Variants in LHX3 observed in about 807,000 individuals in gnomAD.
The protein encoded by LHX3 is LIM/homeobox protein Lhx3.
LHX3 carries 21 observed loss-of-function variants against 32.4 expected under a neutral mutation model. The ratio of observed to expected loss-of-function variants is 0.65; its 90% CI spans 0.46 to 0.93. The LOEUF (loss-of-function observed/expected upper bound fraction) is 0.93. LHX3 is among the 40% of genes least tolerant of loss of function. The pLI, the probability that LHX3 is intolerant of heterozygous loss-of-function variation, is 0.00. For missense variants in LHX3, 626 were observed against 560.0 expected (o/e 1.12, Z -1.19); for synonymous variants, 258 against 246.8 (o/e 1.05, Z -0.43).
At position 136,196,504 on chromosome 9, in the gene LHX3, G is replaced by C. The variant is rs1831493008; in HGVS notation, c.*821C>G. The C allele has an allele frequency of 1.3e-5, 2 of 152,702 alleles. No homozygotes were observed. Among genetic ancestry groups the C allele is most frequent in the Admixed American group, 6.5e-5 (1 of 15,296 alleles). The allele number at this position is 152,702 out of a possible 1,614,324, so 9.5% of individuals were successfully genotyped here. On this transcript the variant is annotated 3_prime_UTR_variant, in exon 6 of 6. Transcript: ENST00000371748. ...GAGGAGCCCCACCCTTCTCCAGCGG[G>C]GAGACTTCCCAATCTGGGGCTGGCA...
At position 136,197,591 on chromosome 9, in the gene LHX3, G is replaced by T. The variant is rs548961945; in HGVS notation, c.928C>A (p.Arg310Ser). ...LAGPEQYREL[R>S]PGSPYGVPPS... ...GGGACACCGTAGGGGCTGCCGGGAC[G>T]CAGCTCTCGGTACTGCTCTGGGCCT... is the stretch of plus-strand genomic sequence containing the variant. The change falls in exon 6 of 6, where the codon CGT (arginine) becomes AGT (serine). Residue 310 changes from arginine to serine, a missense_variant. By Grantham distance (110) the Arg-to-Ser change is moderately radical (BLOSUM62 -1). Coordinates refer to ENST00000371748, the MANE Select transcript of LHX3 (RefSeq NM_178138.6). 9 of 1,541,052 alleles carry T rather than the reference G, an allele frequency of 5.8e-6. No homozygotes were observed. The highest frequency in any genetic ancestry group is 7.9e-6 in the Non-Finnish European group (9 of 1,141,586).
chr9:136,202,639 G>T (rs1831672949), intron 1 of LHX3, among the ~76,000 whole-genome samples: 1 of 152,056 alleles, frequency 6.6e-6, no homozygotes, highest in African/African-American at 2.4e-5. Context: ...CCCCGCCACT[G>T]CTCCCTGCGC....
chr9:136,201,128 C>G (rs902458822), intron 1 of LHX3: 7 of 1,389,138 alleles, frequency 5.0e-6, no homozygotes, highest in Non-Finnish European at 5.6e-6. Context: ...CTCTGAAGCC[C>G]GGCAGGAAAC....
At chr9:136,202,583 C>A (rs760196371) in intron 1 of LHX3, among the ~76,000 whole-genome samples, 6 of 152,166 alleles carry the variant, frequency 3.9e-5, no homozygotes, top group Non-Finnish European at 5.9e-5. Flanking sequence ...GGAAAGAGTC[C>A]GGCTGGGGCG....
At chr9:136,203,012 C>T in intron 1 of LHX3, 1 of 1,523,522 alleles carries the variant, frequency 6.6e-7, no homozygotes, top group Non-Finnish European at 8.8e-7. Flanking sequence ...GACTCCCGGG[C>T]CGGGCCCAGC....
Position 136,202,947 on chromosome 9 carries a change from T to G in LHX3, c.79+1987A>C, listed in dbSNP as rs778055942. The G allele has an allele frequency of 3.9e-6, 6 of 1,532,158 alleles. No homozygotes were observed. The South Asian group carries it at 7.2e-5, about 18-fold the overall frequency. The allele number at this position is 1,532,158 out of a possible 1,614,324, so 94.9% of individuals were successfully genotyped here. ...CAGCCACTCGGCCCGGGCACCCACC[T>G]CGGCGCAGGTCCGCCCTCCGCGCCA... On this transcript the variant is annotated intron_variant, in intron 1 of 5. Transcript: ENST00000371748.
At chr9:136,198,529 A>G in intron 5 of LHX3, 123 bp downstream of exon 5, 2 of 1,151,058 alleles carry the variant, frequency 1.7e-6, no homozygotes, top group Non-Finnish European at 2.4e-6. Context: ...AATGCTTTTG[A>G]AAGTAGAACT....
intron 1 of LHX3, among the ~76,000 whole-genome samples, chr9:136,204,405 AGG>A (rs1433465317): frequency 1.3e-5 from 2 of 151,852 alleles, no homozygotes; most frequent in Non-Finnish European, 2.9e-5. Flanking sequence ...CGAAGCGATC[AGG>A]GGTCGTGTGT....
intron 3 of LHX3, among the ~76,000 whole-genome samples, 197 bp downstream of exon 3, chr9:136,199,481 A>T (rs1316439959): frequency 2.0e-5 from 3 of 152,242 alleles, no homozygotes; most frequent in African/African-American, 7.2e-5. Flanking sequence ...TTCGGACCGA[A>T]CGAAGCGGTT....
In LHX3 at chr9:136,197,558, G is replaced by T. The variant is rs1158816009; in HGVS notation, c.961C>A (p.Pro321Thr). 2.7e-5 allele frequency: 42 copies of T among 1,530,344 alleles called. No homozygotes were observed. The highest frequency in any genetic ancestry group is 3.7e-5 in the Non-Finnish European group (42 of 1,135,260). 94.8% of individuals were successfully genotyped at this position (1,530,344 alleles called of 1,614,324 possible). A position where few individuals can be genotyped will look rare whatever the true frequency, so the allele number is the denominator to read the frequency against. Residue 321 changes from proline (P) to threonine (T), a missense_variant, in exon 6 of 6, where the codon CCC (proline) becomes ACC (threonine). By Grantham distance (38) the Pro-to-Thr change is conservative (BLOSUM62 -1). Coordinates refer to ENST00000371748, the MANE Select transcript of LHX3 (RefSeq NM_178138.6). ...PGSPYGVPPSPAAPQSLPGPQ... is the reference protein window; with the variant it reads ...PGSPYGVPPSTAAPQSLPGPQ... ...CCAGGGAGGCTCTGCGGGGCGGCGG[G>T]GGATGGGGGGACACCGTAGGGGCTG...
chr9:136,204,793 C>T (rs893347185), intron 1 of LHX3, 141 bp downstream of exon 1: 1 of 721,550 alleles, frequency 1.4e-6, no homozygotes, highest in Non-Finnish European at 2.4e-6. Context: ...TGGAAACTCA[C>T]TCTCTGCAGT....
intron 1 of LHX3, chr9:136,201,670 C>T (rs1831642404): frequency 1.0e-6 from 1 of 989,108 alleles, no homozygotes; most frequent in African/African-American, 1.7e-5. Flanking sequence ...AGCCCATCTC[C>T]CAGTGGGTGA....
Position 136,197,738 on chromosome 9 carries a change from G to C in LHX3, c.781C>G (p.Pro261Ala). The C allele has an allele frequency of 1.2e-6, 2 of 1,601,514 alleles. No individual in the cohort carries two copies. The highest frequency in any genetic ancestry group is 1.7e-6 in the Non-Finnish European group (2 of 1,179,748). Reference protein sequence around the residue: ...SDAEVSFPDEPSLAEMGPANG... With the variant: ...SDAEVSFPDEASLAEMGPANG... The stretch of plus-strand genomic sequence containing the variant: ...GCCGGGCCCATTTCCGCCAAGGAAG[G>C]CTCATCTGCAACAGAAGCAGAGGCT... Residue 261 changes from proline (P) to alanine (A), a missense_variant, in exon 6 of 6, where the codon CCT becomes GCT. By Grantham distance (27) the Pro-to-Ala change is conservative. Transcript: ENST00000371748.
chr9:136,198,659 G>A lies in LHX3; in HGVS notation c.768C>T (p.Ser256=), dbSNP rs1831553931. 2 of 1,597,508 alleles carry A rather than the reference G, an allele frequency of 1.3e-6. No homozygotes were observed. Among genetic ancestry groups the A allele is most frequent in the Middle Eastern group, 1.7e-4 (1 of 5,864 alleles). Residue 256 remains serine (S), a synonymous_variant, in exon 5 of 6, where the codon TCC becomes TCT. Coordinates refer to ENST00000371748, the MANE Select transcript of LHX3 (RefSeq NM_178138.6). ...QEGQDSDAEV[S]FPDEPSLAEM... is the part of the protein sequence containing the mutation. ...CGCGATCCCTCCGCCTACCGGGGAA[G>A]GAGACCTCAGCGTCGCTGTCCTGCC...
At chr9:136,201,901 A>C (rs886547025) in intron 1 of LHX3, among the ~76,000 whole-genome samples, 2 of 152,086 alleles carry the variant, frequency 1.3e-5, no homozygotes, top group Non-Finnish European at 2.9e-5. Context: ...ACAGGCCGAC[A>C]CAGCGCGGAT....
At chr9:136,199,326 C>T (rs866924660) in intron 3 of LHX3, among the ~76,000 whole-genome samples, 242 of 152,288 alleles carry the variant, frequency 1.6e-3, no homozygotes, top group African/African-American at 5.3e-3. Flanking sequence ...CTCCACGGCG[C>T]CCCCGCCTTC....
rs1015344381 is a variant in LHX3 at position 136,197,548 on chromosome 9, G to C, written c.971C>G (p.Pro324Arg). The change falls in exon 6 of 6, where the codon CCG becomes CGG. Residue 324 changes from proline to arginine, a missense_variant. Transcript: ENST00000371748. ...PYGVPPSPAA[P>R]QSLPGPQPLL... The stretch of plus-strand genomic sequence containing the variant: ...GGGCTGGGGGCCAGGGAGGCTCTGC[G>C]GGGCGGCGGGGGATGGGGGGACACC... 1 of 1,528,862 alleles carries C rather than the reference G, an allele frequency of 6.5e-7. No individual in the cohort carries two copies. Among genetic ancestry groups the C allele is most frequent in the South Asian group, 1.2e-5 (1 of 82,288 alleles). 94.7% of individuals were successfully genotyped at this position (1,528,862 alleles called of 1,614,324 possible).
chr9:136,198,996 T>C lies in LHX3; in HGVS notation c.518A>G (p.Lys173Arg), dbSNP rs1219319643. ...TITAKQLETLKSAYNTSPKPA... is the reference protein window; with the variant it reads ...TITAKQLETLRSAYNTSPKPA... Reference sequence around the variant, plus strand: ...CTTGGGCGAGGTGTTGTAAGCGCTCTTCAGCGTCTCCAGCTGCTTGGCGGT... The same window carrying C: ...CTTGGGCGAGGTGTTGTAAGCGCTCCTCAGCGTCTCCAGCTGCTTGGCGGT... The change falls in exon 4 of 6, where the codon AAG becomes AGG. Residue 173 changes from lysine to arginine, a missense_variant. Transcript: ENST00000371748. 6.3e-7 allele frequency: 1 copy of C among 1,593,930 alleles called. No individual in the cohort carries two copies. The highest frequency in any genetic ancestry group is 8.5e-7 in the Non-Finnish European group (1 of 1,174,258).
intron 3 of LHX3, 67 bp downstream of exon 3, chr9:136,199,611 C>G: frequency 6.5e-7 from 1 of 1,547,066 alleles, no homozygotes; most frequent in Non-Finnish European, 8.9e-7. Flanking sequence ...GGACGCCCCC[C>G]TGGGCGTGGC....
Sources: allele counts gnomAD v4.1 joint callset (sites outside exome capture counted in the v4.1 genomes callset), GRCh38; gene constraint gnomAD v4.1.1; transcripts MANE v1.5; gene names NCBI Gene and HGNC (gene_info 2026-07-23, HGNC 2026-07-21).